The following DCC variants were observed in gnomAD, a reference collection of about 807,000 sequenced individuals.
DCC encodes the protein DCC netrin 1 receptor.
Under a neutral mutation model 172.5 loss-of-function variants are expected in DCC, and 58 were observed. The observed-to-expected ratio is 0.34, with a 90% CI of 0.27 to 0.42. The LOEUF (loss-of-function observed/expected upper bound fraction) is 0.42. Ranked by LOEUF, DCC falls within the 10% of genes least tolerant of loss-of-function variation. The pLI, the probability that DCC is intolerant of heterozygous loss-of-function variation, is 1.00. For missense variants in DCC, 1,740 were observed against 1,791.0 expected, an observed-to-expected ratio of 0.97 and a Z score of 0.51; for synonymous variants, 709 against 644.5, an observed-to-expected ratio of 1.10 and a Z score of -1.52.
At chr18:52,640,724 C>T (rs1180094617) in intron 1 of DCC, among the ~76,000 whole-genome samples, 1 of 151,774 alleles carries the variant, frequency 6.6e-6, no homozygotes, top group Non-Finnish European at 1.5e-5. Context: ...ATCACACAAA[C>T]AAATGGAAAC....
intron 25 of DCC, among the ~76,000 whole-genome samples, chr18:53,477,346 T>C (rs2045778158): frequency 6.6e-6 from 1 of 152,162 alleles, no homozygotes. Flanking sequence ...AATAGCCCTT[T>C]GCATCTGAGA....
At chr18:52,457,276 A>C (rs762632211) in intron 1 of DCC, among the ~76,000 whole-genome samples, 23 of 152,224 alleles carry the variant, frequency 1.5e-4, no homozygotes, top group Admixed American at 2.6e-4. Flanking sequence ...CACCTAGAGC[A>C]GTGTCTCATA....
At chr18:52,927,834 A>G (rs545351277) in intron 5 of DCC, among the ~76,000 whole-genome samples, 2 of 152,238 alleles carry the variant, frequency 1.3e-5, no homozygotes, top group South Asian at 4.1e-4. Flanking sequence ...GACTTAGTTC[A>G]GCCATTGTGG....
chr18:52,372,322 G>A (rs1985155989), intron 1 of DCC, among the ~76,000 whole-genome samples: 1 of 152,122 alleles, frequency 6.6e-6, no homozygotes, highest in Admixed American at 6.5e-5. Context: ...TTGGGGTGAG[G>A]GAGTTTATTC....
chr18:52,536,334 G>A (rs1264613086), intron 1 of DCC, among the ~76,000 whole-genome samples: 1 of 152,024 alleles, frequency 6.6e-6, no homozygotes, highest in East Asian at 1.9e-4. Flanking sequence ...GGGAAGCTGC[G>A]GACAGATGGA....
At chr18:52,491,073 G>A (rs1004770079) in intron 1 of DCC, among the ~76,000 whole-genome samples, 1 of 152,008 alleles carries the variant, frequency 6.6e-6, no homozygotes, top group African/African-American at 2.4e-5. Context: ...CTCTTATATG[G>A]AGCCTTCCAT....
chr18:53,363,600 A>G (rs746926350), intron 15 of DCC, among the ~76,000 whole-genome samples: 4 of 152,150 alleles, frequency 2.6e-5, no homozygotes, highest in Non-Finnish European at 5.9e-5. Context: ...TTACACACAC[A>G]TATGGTCGCT....
chr18:52,702,627 T>A (rs1171961993), intron 1 of DCC, among the ~76,000 whole-genome samples: 1 of 152,160 alleles, frequency 6.6e-6, no homozygotes, highest in African/African-American at 2.4e-5. Context: ...AACTTAAGTA[T>A]AATTTTCTTT....
intron 15 of DCC, among the ~76,000 whole-genome samples, chr18:53,340,340 C>T (rs1012876759): frequency 7.2e-5 from 11 of 152,134 alleles, no homozygotes; most frequent in African/African-American, 2.7e-4. Flanking sequence ...TTTCTTTAAC[C>T]TTGAAATATC....
At position 52,561,881 on chromosome 18, in the gene DCC, T is replaced by C. The variant is rs551720334; in HGVS notation, c.92-190173T>C. 2.8e-3 allele frequency among the ~76,000 whole-genome samples: 432 copies of C among 152,324 alleles called. 1 individual carries two copies. The highest frequency in any genetic ancestry group is 4.7e-3 in the Non-Finnish European group (323 of 68,022). On this transcript the variant is annotated intron_variant, in intron 1 of 28. Transcript: ENST00000442544. ...TTCTCCATCTTATTTCAGAAGCTAT[T>C]TCTAAATCAGAGGATAAGTGTTTTT...
intron 1 of DCC, among the ~76,000 whole-genome samples, chr18:52,647,372 A>G (rs1233489049): frequency 6.6e-6 from 1 of 152,200 alleles, no homozygotes; most frequent in Admixed American, 6.5e-5. Context: ...ACTTCTATTC[A>G]AAAACTACAG....
At chr18:52,405,359 C>A (rs1244766838) in intron 1 of DCC, among the ~76,000 whole-genome samples, 1 of 126,434 alleles carries the variant, frequency 7.9e-6, no homozygotes, top group East Asian at 2.2e-4. Context: ...GCCATTCTAA[C>A]TGGTGTGAGA....
intron 1 of DCC, among the ~76,000 whole-genome samples, chr18:52,436,588 TTCTGC>T (rs1317517618): frequency 4.6e-5 from 7 of 152,186 alleles, no homozygotes; most frequent in African/African-American, 1.7e-4. Flanking sequence ...ATATGGAATA[TTCTGC>T]TCTTTCTTTT....
At chr18:52,554,442 T>C (rs1664433913) in intron 1 of DCC, among the ~76,000 whole-genome samples, 2 of 152,114 alleles carry the variant, frequency 1.3e-5, no homozygotes, top group Admixed American at 1.3e-4. Context: ...GAAAGAATTG[T>C]TGAAATCTGA....
At chr18:52,620,305 G>A (rs1479933487) in intron 1 of DCC, among the ~76,000 whole-genome samples, 3 of 152,224 alleles carry the variant, frequency 2.0e-5, no homozygotes, top group African/African-American at 4.8e-5. Flanking sequence ...CAGGAGGCAG[G>A]AAGGGAGCTA....
chr18:53,206,174 T>C (rs2055626683), intron 10 of DCC, among the ~76,000 whole-genome samples: 1 of 588 alleles, frequency 1.7e-3, no homozygotes, highest in African/African-American at 7.6e-3. Context: ...TACATATACA[T>C]ATATAATACA....
At chr18:52,775,950 C>G (rs1442548759) in intron 2 of DCC, among the ~76,000 whole-genome samples, 1 of 152,244 alleles carries the variant, frequency 6.6e-6, no homozygotes, top group East Asian at 1.9e-4. Flanking sequence ...GTCTTCCCTT[C>G]CCAGCACTCC....
intron 12 of DCC, among the ~76,000 whole-genome samples, chr18:53,292,153 G>C (rs2057013101): frequency 6.9e-6 from 1 of 144,236 alleles, no homozygotes; most frequent in Non-Finnish European, 1.5e-5. Flanking sequence ...GCTATACTCT[G>C]ACATTTGGGG....
At chr18:53,250,027 T>C (rs1438769940) in intron 12 of DCC, among the ~76,000 whole-genome samples, 1 of 151,988 alleles carries the variant, frequency 6.6e-6, no homozygotes, top group Non-Finnish European at 1.5e-5. Context: ...TTCGTGAAGA[T>C]CTGAAGTTCA....
Sources: gnomAD v4.1 joint callset for allele counts (sites outside exome capture counted in the v4.1 genomes callset) on GRCh38, gnomAD v4.1.1 for gene constraint, MANE v1.5 for transcripts, NCBI Gene and HGNC (gene_info 2026-07-23, HGNC 2026-07-21) for gene names.